EFCAB11: variants seen among roughly 807,000 people sequenced by gnomAD.
The protein encoded by EFCAB11 is EF-hand calcium binding domain 11.
In EFCAB11, 14 loss-of-function variants were observed where a neutral mutation model predicts 23.0. That is an observed-to-expected ratio of 0.61 (90% CI 0.40 to 0.95). EFCAB11 has a LOEUF of 0.95. EFCAB11 is among the 40% of genes least tolerant of loss of function. The pLI is 0.00. For missense variants in EFCAB11, 198 were observed against 195.8 expected (o/e 1.01, Z -0.07); for synonymous variants, 65 against 66.6 (o/e 0.98, Z 0.11).
chr14:89,886,693 T>G (rs1197545390), intron 5 of EFCAB11, among the ~76,000 whole-genome samples: 2 of 152,122 alleles, frequency 1.3e-5, no homozygotes, highest in Non-Finnish European at 2.9e-5. Flanking sequence ...TACACCATAT[T>G]ATTCTCCATA....
At chr14:89,837,194 G>A (rs907187096) in intron 5 of EFCAB11, 1 of 450,092 alleles carries the variant, frequency 2.2e-6, no homozygotes, top group Admixed American at 2.4e-5. Flanking sequence ...AACCACATAA[G>A]CCTTATACTA....
At chr14:89,867,147 A>T (rs1445525214) in intron 5 of EFCAB11, among the ~76,000 whole-genome samples, 3 of 152,246 alleles carry the variant, frequency 2.0e-5, no homozygotes, top group Non-Finnish European at 4.4e-5. Flanking sequence ...GCCAGGAACC[A>T]GGTCTCCTGC....
chr14:89,880,397 CA>C (rs1222093297), intron 5 of EFCAB11, among the ~76,000 whole-genome samples: 2 of 152,276 alleles, frequency 1.3e-5, no homozygotes, highest in Non-Finnish European at 2.9e-5. Flanking sequence ...ATAAGCTACC[CA>C]GTCTATGAAG....
chr14:89,904,145 C>T (rs951249846), intron 5 of EFCAB11, among the ~76,000 whole-genome samples: 6 of 152,052 alleles, frequency 3.9e-5, no homozygotes, highest in Non-Finnish European at 5.9e-5. Flanking sequence ...ACCCCCTGAC[C>T]GGCCCTGGTG....
intron 5 of EFCAB11, among the ~76,000 whole-genome samples, chr14:89,867,022 C>A (rs1174249625): frequency 6.6e-6 from 1 of 152,196 alleles, no homozygotes; most frequent in Non-Finnish European, 1.5e-5. Context: ...CTGTCTTGGT[C>A]TCCCAAAGTG....
At chr14:89,947,805 T>A (rs567720995) in intron 3 of EFCAB11, among the ~76,000 whole-genome samples, 1 of 152,322 alleles carries the variant, frequency 6.6e-6, no homozygotes, top group African/African-American at 2.4e-5. Context: ...TCTCTCTAGG[T>A]GGTCTCATTC....
intron 5 of EFCAB11, among the ~76,000 whole-genome samples, chr14:89,827,140 G>A (rs117088112): frequency 6.6e-6 from 1 of 152,286 alleles, no homozygotes; most frequent in East Asian, 1.9e-4. Flanking sequence ...CAATTAAAAG[G>A]TAGTAACCAT....
At chr14:89,821,641 GAA>G (rs1886523403) in intron 5 of EFCAB11, among the ~76,000 whole-genome samples, 1 of 152,194 alleles carries the variant, frequency 6.6e-6, no homozygotes, top group African/African-American at 2.4e-5. Context: ...TCCCTGAAAA[GAA>G]AAACAAATGA....
chr14:89,915,430 A>G (rs1157302243), intron 5 of EFCAB11, among the ~76,000 whole-genome samples: 1 of 152,210 alleles, frequency 6.6e-6, no homozygotes, highest in Non-Finnish European at 1.5e-5. Flanking sequence ...TCTTTCAATC[A>G]GTTTCTTAGC....
chr14:89,885,785 A>G (rs542917620), intron 5 of EFCAB11, among the ~76,000 whole-genome samples: 1 of 151,620 alleles, frequency 6.6e-6, no homozygotes, highest in Non-Finnish European at 1.5e-5. Flanking sequence ...GAAAGAGAGA[A>G]AGAAAGAAAG....
At chr14:89,817,729 C>T (rs898331851) in intron 5 of EFCAB11, among the ~76,000 whole-genome samples, 2 of 152,048 alleles carry the variant, frequency 1.3e-5, no homozygotes, top group Admixed American at 6.5e-5. Context: ...CGCGGTGGCT[C>T]ACGCTTGTAA....
intron 5 of EFCAB11, among the ~76,000 whole-genome samples, chr14:89,860,346 A>G (rs1238862041): frequency 1.3e-5 from 2 of 151,670 alleles, no homozygotes; most frequent in East Asian, 3.8e-4. Context: ...CCTGGGCGAC[A>G]AGAGTGAAAA....
At chr14:89,878,162 A>G (rs1888497209) in intron 5 of EFCAB11, among the ~76,000 whole-genome samples, 1 of 152,230 alleles carries the variant, frequency 6.6e-6, no homozygotes, top group East Asian at 1.9e-4. Context: ...GACGTACTAA[A>G]AGATGATCTG....
chr14:89,952,059 C>T (rs1891187971), intron 2 of EFCAB11, among the ~76,000 whole-genome samples: 1 of 152,122 alleles, frequency 6.6e-6, no homozygotes. Context: ...AAAAATTAAA[C>T]CCCAAACCTC....
intron 5 of EFCAB11, chr14:89,830,326 T>C (rs1886842627): frequency 1.3e-5 from 2 of 152,222 alleles, no homozygotes; most frequent in Admixed American, 6.5e-5. Flanking sequence ...AGCCTATTAA[T>C]TGCTTACACG....
chr14:89,929,751 A>T (rs1420386084), intron 5 of EFCAB11, among the ~76,000 whole-genome samples: 4 of 152,244 alleles, frequency 2.6e-5, no homozygotes, highest in African/African-American at 9.6e-5. Flanking sequence ...ATTATGTTTT[A>T]AAATAAAATA....
intron 5 of EFCAB11, among the ~76,000 whole-genome samples, chr14:89,901,110 C>T (rs1889324960): frequency 2.0e-5 from 3 of 152,196 alleles, no homozygotes; most frequent in Non-Finnish European, 2.9e-5. Flanking sequence ...TAAACTTTCA[C>T]ATATTTTATT....
chr14:89,909,473 G>A (rs1377399116), intron 5 of EFCAB11, among the ~76,000 whole-genome samples: 1 of 149,202 alleles, frequency 6.7e-6, no homozygotes, highest in African/African-American at 2.6e-5. Context: ...CAGCTACTTG[G>A]GAGGCTGAGG....
chr14:89,951,906 CAG>C (rs901385158), intron 2 of EFCAB11, among the ~76,000 whole-genome samples: 19 of 152,124 alleles, frequency 1.2e-4, no homozygotes, highest in Admixed American at 5.2e-4. Context: ...GCCTGGGTGA[CAG>C]AGCAAGACTG....
Sources: allele counts gnomAD v4.1 joint callset (sites outside exome capture counted in the v4.1 genomes callset), GRCh38; gene constraint gnomAD v4.1.1; transcripts MANE v1.5; gene names NCBI Gene and HGNC (gene_info 2026-07-23, HGNC 2026-07-21).